The following RAB3C variants were observed in gnomAD, a reference collection of about 807,000 sequenced individuals.
RAB3C encodes the protein RAB3C, member RAS oncogene family.
RAB3C carries 17 observed loss-of-function variants against 26.4 expected under a neutral mutation model. The ratio of observed to expected loss-of-function variants is 0.64; its 90% confidence interval spans 0.44 to 0.97. The LOEUF is 0.97. RAB3C is among the 50% of genes least tolerant of loss of function. The pLI is 0.00. For missense variants in RAB3C, 242 were observed against 281.9 expected, an observed-to-expected ratio of 0.86 and a Z score of 1.01; for synonymous variants, 91 against 95.9, an observed-to-expected ratio of 0.95 and a Z score of 0.30.
intron 3 of RAB3C, among the ~76,000 whole-genome samples, chr5:58,805,205 A>C (rs1742908843): frequency 6.6e-6 from 1 of 152,140 alleles, no homozygotes; most frequent in African/African-American, 2.4e-5. Flanking sequence ...TCCATAACTC[A>C]GAAATTTAAA....
At chr5:58,674,132 G>C (rs561347707) in intron 2 of RAB3C, among the ~76,000 whole-genome samples, 1 of 152,252 alleles carries the variant, frequency 6.6e-6, no homozygotes, top group South Asian at 2.1e-4. Context: ...ACTCTAGAAA[G>C]GGAATATAGA....
chr5:58,655,201 A>G (rs570706853), intron 2 of RAB3C, among the ~76,000 whole-genome samples: 14 of 152,216 alleles, frequency 9.2e-5, no homozygotes, highest in Non-Finnish European at 1.8e-4. Context: ...ATAGCAAGAT[A>G]CAAAACCTCA....
At chr5:58,582,202 G>C (rs1745914104), upstream of RAB3C, 1 of 157,840 alleles carries the variant, frequency 6.3e-6, no homozygotes, top group Non-Finnish European at 1.4e-5. Flanking sequence ...TGGATTCCAC[G>C]CTTTCCCTCC....
Position 58,627,492 on chromosome 5 carries a change from A to C in RAB3C, c.252+9622A>C, listed in dbSNP as rs1579824874. Among the ~76,000 whole-genome samples the C allele has an allele frequency of 2.8e-3, 69 of 24,654 alleles. 3 individuals carry two copies. Among genetic ancestry groups the C allele is most frequent in the South Asian group, 4.0e-3 (3 of 756 alleles). 16.2% of individuals were successfully genotyped at this position (24,654 alleles called of 152,430 possible). On this transcript the variant is annotated intron_variant, in intron 2 of 4. Transcript: ENST00000282878. Reference sequence around the variant, plus strand: ...GTCTTAAAAAAAAAAAAAAAAAAAAAAAAAAAAAAAAAAAAAAAAAAAAAA... The same window carrying C: ...GTCTTAAAAAAAAAAAAAAAAAAAACAAAAAAAAAAAAAAAAAAAAAAAAA...
intron 3 of RAB3C, among the ~76,000 whole-genome samples, chr5:58,792,271 A>G (rs1174039718): frequency 6.6e-6 from 1 of 152,238 alleles, no homozygotes; most frequent in Non-Finnish European, 1.5e-5. Context: ...TATATCTGGA[A>G]TACTTCCAGG....
chr5:58,691,567 A>T (rs144639981), intron 2 of RAB3C, among the ~76,000 whole-genome samples: 2 of 150,560 alleles, frequency 1.3e-5, no homozygotes, highest in Non-Finnish European at 1.5e-5. Flanking sequence ...ATTACCAGGC[A>T]TAATAGACTC....
intron 3 of RAB3C, among the ~76,000 whole-genome samples, chr5:58,806,775 G>A (rs2112033889): frequency 6.6e-6 from 1 of 152,220 alleles, no homozygotes; most frequent in South Asian, 2.1e-4. Flanking sequence ...TACTGTGTTA[G>A]AATAATCAGA....
chr5:58,794,482 G>A (rs10055269), intron 3 of RAB3C: 4 of 151,392 alleles, frequency 2.6e-5, no homozygotes, highest in African/African-American at 4.9e-5. Context: ...GACCAAGCTC[G>A]TTGTGGTCCA....
intron 2 of RAB3C, among the ~76,000 whole-genome samples, chr5:58,678,785 T>A (rs1748285109): frequency 6.6e-6 from 1 of 152,220 alleles, no homozygotes; most frequent in Admixed American, 6.5e-5. Context: ...AACTTCTTTT[T>A]GAAAAGCTTA....
At chr5:58,622,630 C>T (rs1053467810) in intron 2 of RAB3C, among the ~76,000 whole-genome samples, 5 of 152,256 alleles carry the variant, frequency 3.3e-5, no homozygotes, top group Middle Eastern at 3.4e-3. Context: ...TCTGGCTCAA[C>T]CTCCTCATTT....
chr5:58,674,505 A>G (rs980122092), intron 2 of RAB3C, among the ~76,000 whole-genome samples: 1 of 152,238 alleles, frequency 6.6e-6, no homozygotes, highest in Non-Finnish European at 1.5e-5. Flanking sequence ...ATGGCATATA[A>G]TGCCAAGAAA....
chr5:58,700,688 A>T (rs1383787321), intron 2 of RAB3C, among the ~76,000 whole-genome samples: 1 of 152,196 alleles, frequency 6.6e-6, no homozygotes, highest in Non-Finnish European at 1.5e-5. Flanking sequence ...TTTCCCTGTG[A>T]AGTTTTTTAA....
At chr5:58,688,291 T>A (rs1401380606) in intron 2 of RAB3C, among the ~76,000 whole-genome samples, 1 of 152,102 alleles carries the variant, frequency 6.6e-6, no homozygotes, top group Non-Finnish European at 1.5e-5. Flanking sequence ...GAGCATGTTG[T>A]TTATGGCAGC....
chr5:58,764,336 G>T (rs773433683), intron 3 of RAB3C, among the ~76,000 whole-genome samples: 20 of 152,170 alleles, frequency 1.3e-4, no homozygotes, highest in Non-Finnish European at 2.5e-4. Flanking sequence ...ACTCAGCTGG[G>T]CCAAGACATT....
intron 2 of RAB3C, among the ~76,000 whole-genome samples, chr5:58,706,598 G>T (rs1748948080): frequency 6.6e-6 from 1 of 152,072 alleles, no homozygotes; most frequent in Non-Finnish European, 1.5e-5. Flanking sequence ...CTACTTATTT[G>T]TATTGATTAA....
intron 3 of RAB3C, among the ~76,000 whole-genome samples, chr5:58,757,886 T>C (rs78506546): frequency 0.013 from 1,943 of 152,084 alleles, 31 homozygotes; most frequent in African/African-American, 0.041. Flanking sequence ...CTCAGAATTC[T>C]ACTTCAAGCA....
intron 4 of RAB3C, among the ~76,000 whole-genome samples, chr5:58,840,346 T>C (rs1358688223): frequency 6.6e-6 from 1 of 152,156 alleles, no homozygotes; most frequent in African/African-American, 2.4e-5. Context: ...ACCCATCTCT[T>C]TGTCGAATTT....
chr5:58,850,310 T>C (rs1250566594), intron 4 of RAB3C, among the ~76,000 whole-genome samples: 1 of 152,226 alleles, frequency 6.6e-6, no homozygotes, highest in Non-Finnish European at 1.5e-5. Flanking sequence ...AAGTGCCCTT[T>C]CCCAGATGTT....
chr5:58,695,369 T>C (rs991454319), intron 2 of RAB3C, among the ~76,000 whole-genome samples: 1 of 152,206 alleles, frequency 6.6e-6, no homozygotes, highest in African/African-American at 2.4e-5. Context: ...TGCCTCCAGC[T>C]TTGTTCTTTT....
Sources: gnomAD v4.1 joint callset for allele counts (sites outside exome capture counted in the v4.1 genomes callset) on GRCh38, gnomAD v4.1.1 for gene constraint, MANE v1.5 for transcripts, NCBI Gene and HGNC (gene_info 2026-07-23, HGNC 2026-07-21) for gene names.